AIM2: variants seen among roughly 807,000 people sequenced by gnomAD.
AIM2 encodes absent in melanoma 2.
AIM2 carries 30 observed loss-of-function variants against 27.7 expected under a neutral mutation model. That is an observed-to-expected ratio of 1.08 (90% confidence interval 0.81 to 1.47). The LOEUF (loss-of-function observed/expected upper bound fraction) is 1.47, where lower values mean the gene tolerates loss of function less well. Ranked by LOEUF, AIM2 falls within the 40% of genes most tolerant of loss-of-function variation. The pLI, the probability that AIM2 is intolerant of heterozygous loss-of-function variation, is 0.00. For synonymous variants in AIM2, 141 were observed against 145.3 expected, an observed-to-expected ratio of 0.97 and a Z score of 0.21; for missense variants, 358 against 411.3, an observed-to-expected ratio of 0.87 and a Z score of 1.12.
chr1:159,113,185 C>T (rs1318664352), intron 1 of AIM2, among the ~76,000 whole-genome samples: 2 of 152,146 alleles, frequency 1.3e-5, no homozygotes, highest in Non-Finnish European at 2.9e-5. Flanking sequence ...ACCTCATGAT[C>T]CACCTGCCTC....
intron 1 of AIM2, among the ~76,000 whole-genome samples, chr1:159,118,809 C>T (rs551470533): frequency 4.6e-5 from 7 of 152,152 alleles, no homozygotes; most frequent in East Asian, 1.9e-4. Flanking sequence ...AAACACAATA[C>T]AGTTGTCATT....
intron 1 of AIM2, among the ~76,000 whole-genome samples, chr1:159,102,737 C>A (rs1378007284): frequency 6.6e-6 from 1 of 152,186 alleles, no homozygotes; most frequent in African/African-American, 2.4e-5. Context: ...CCTGTAGCCC[C>A]TTCTTTTTGG....
chr1:159,144,953 T>C (rs1442672544), upstream of AIM2, among the ~76,000 whole-genome samples: 1 of 152,178 alleles, frequency 6.6e-6, no homozygotes, highest in African/African-American at 2.4e-5. Context: ...AGCCCTTACA[T>C]ACTATACTTT....
intron 3 of AIM2, among the ~76,000 whole-genome samples, chr1:159,066,999 A>G (rs1027989224): frequency 6.6e-6 from 1 of 152,230 alleles, no homozygotes; most frequent in African/African-American, 2.4e-5. Flanking sequence ...ATTTGAAATT[A>G]TAAAAAAAGA....
chr1:159,073,396 A>G lies in AIM2; in HGVS notation c.104T>C (p.Ile35Thr), dbSNP rs756452296. The change falls in exon 2 of 6, where the codon ATT becomes ACT. Residue 35 changes from isoleucine (I) to threonine (T), a missense_variant. Physicochemically the swap from Ile to Thr is moderately conservative, Grantham distance 89. Transcript: ENST00000368130. Reference sequence around the variant, plus strand: ...TGCAGTATGTAGTTTGCCTGTGGCAATATTAAACTCGTCTGAAAGAAAGAA... The same window carrying G: ...TGCAGTATGTAGTTTGCCTGTGGCAGTATTAAACTCGTCTGAAAGAAAGAA... ...FKFFLSDEFN[I>T]ATGKLHTANR... 2 of 1,614,064 alleles carry G rather than the reference A, an allele frequency of 1.2e-6. No homozygotes were observed. The highest frequency in any genetic ancestry group is 2.7e-5 in the African/African-American group (2 of 74,936).
chr1:159,118,872 A>T (rs953240318), intron 1 of AIM2, among the ~76,000 whole-genome samples: 1 of 152,162 alleles, frequency 6.6e-6, no homozygotes, highest in African/African-American at 2.4e-5. Context: ...TTCTGCATAC[A>T]TAACGGGTGT....
chr1:159,099,565 T>C (rs937353598), intron 1 of AIM2, among the ~76,000 whole-genome samples: 7 of 152,168 alleles, frequency 4.6e-5, no homozygotes, highest in African/African-American at 1.7e-4. Context: ...GAACAACTTT[T>C]CTTTTTTCAA....
At chr1:159,112,463 C>A (rs181673171) in intron 1 of AIM2, among the ~76,000 whole-genome samples, 1 of 152,250 alleles carries the variant, frequency 6.6e-6, no homozygotes, top group African/African-American at 2.4e-5. Context: ...AATAAATTGA[C>A]AAATCCACCA....
intron 1 of AIM2, among the ~76,000 whole-genome samples, chr1:159,134,250 A>G (rs1647969100): frequency 6.6e-6 from 1 of 152,174 alleles, no homozygotes; most frequent in African/African-American, 2.4e-5. Flanking sequence ...CCTGGCTAAT[A>G]TTGCTTTTCA....
At chr1:159,126,232 G>A (rs1647682085) in intron 1 of AIM2, among the ~76,000 whole-genome samples, 1 of 152,206 alleles carries the variant, frequency 6.6e-6, no homozygotes, top group Non-Finnish European at 1.5e-5. Context: ...AACTGCCACT[G>A]GCCTGGGAGT....
intron 1 of AIM2, among the ~76,000 whole-genome samples, chr1:159,115,237 T>A (rs1246972779): frequency 3.9e-5 from 6 of 151,996 alleles, no homozygotes; most frequent in Non-Finnish European, 7.4e-5. Context: ...AGAATCAATA[T>A]CGTGAAAATG....
upstream of AIM2, among the ~76,000 whole-genome samples, chr1:159,144,434 T>C (rs542342134): frequency 4.7e-4 from 71 of 152,316 alleles, 1 homozygote; most frequent in Middle Eastern, 0.014. Flanking sequence ...ATAGTGTCGA[T>C]AATGTCTTTA....
chr1:159,138,154 G>A (rs1273104396), intron 1 of AIM2, among the ~76,000 whole-genome samples: 1 of 152,092 alleles, frequency 6.6e-6, no homozygotes, highest in East Asian at 1.9e-4. Flanking sequence ...AGAAATAATG[G>A]ACCTAACAAG....
chr1:159,090,259 C>A (rs1657015449), intron 1 of AIM2, among the ~76,000 whole-genome samples: 2 of 152,172 alleles, frequency 1.3e-5, no homozygotes. Flanking sequence ...TTCTTGGGGA[C>A]CCAACATAAG....
chr1:159,055,174 TTTAATCCATCCATGAGTTGCTTAAAAGC>T, the AIM2 span: 1 of 242,194 alleles, frequency 4.1e-6, no homozygotes. Flanking sequence ...CAGCAGTCTC[TTTAATCCATCCATGAGTTGCTTAAAAGC>T]AAATAGTCTG....
chr1:159,100,009 A>G (rs1342211423), intron 1 of AIM2, among the ~76,000 whole-genome samples: 1 of 152,210 alleles, frequency 6.6e-6, no homozygotes, highest in Non-Finnish European at 1.5e-5. Context: ...AAGGCTCCAT[A>G]GTCTGCAACC....
intron 1 of AIM2, among the ~76,000 whole-genome samples, chr1:159,099,911 T>C (rs1339419109): frequency 6.6e-6 from 1 of 151,972 alleles, no homozygotes; most frequent in African/African-American, 2.4e-5. Context: ...TCTCTGGCCT[T>C]AAAAAAAATG....
intron 4 of AIM2, 136 bp from the exon 5 acceptor site, chr1:159,063,810 A>T: frequency 1.1e-6 from 1 of 923,004 alleles, no homozygotes; most frequent in South Asian, 1.8e-5. Context: ...TTACCTGTGC[A>T]GGTCCATTTA....
intron 1 of AIM2, among the ~76,000 whole-genome samples, chr1:159,098,424 T>C (rs1657225016): frequency 6.6e-6 from 1 of 151,706 alleles, no homozygotes; most frequent in African/African-American, 2.4e-5. Context: ...TAAATATTAA[T>C]AAAAGTAAAA....
Sources: allele counts gnomAD v4.1 joint callset (sites outside exome capture counted in the v4.1 genomes callset), GRCh38; gene constraint gnomAD v4.1.1; transcripts MANE v1.5; gene names NCBI Gene and HGNC (gene_info 2026-07-23, HGNC 2026-07-21).